NLK: variants seen among roughly 807,000 people sequenced by gnomAD.
The protein encoded by NLK is serine/threonine-protein kinase NLK.
In NLK, 11 loss-of-function variants were observed where a neutral mutation model predicts 59.0. The ratio of observed to expected loss-of-function variants is 0.19; its 90% CI spans 0.12 to 0.31. NLK has a LOEUF of 0.31. Ranked by LOEUF, NLK falls within the 10% of genes least tolerant of loss-of-function variation. The probability of loss-of-function intolerance (pLI) is 1.00; values close to 1 mark genes in which losing one functional copy is unlikely to be tolerated. For synonymous variants in NLK, 235 were observed against 235.9 expected, an observed-to-expected ratio of 1.00 and a Z score of 0.03; for missense variants, 410 against 661.1, an observed-to-expected ratio of 0.62 and a Z score of 4.16.
chr17:28,184,987 A>T (rs1187358131), intron 7 of NLK, among the ~76,000 whole-genome samples, 192 bp from the exon 8 acceptor site: 1 of 152,140 alleles, frequency 6.6e-6, no homozygotes, highest in Non-Finnish European at 1.5e-5. Flanking sequence ...ATAAATAAAT[A>T]AAAATGCTAC....
chr17:28,072,397 C>T (rs1208446325), intron 1 of NLK, among the ~76,000 whole-genome samples: 4 of 149,798 alleles, frequency 2.7e-5, no homozygotes, highest in Non-Finnish European at 4.4e-5. Context: ...GCGGTTACGG[C>T]TCACTGCAGC....
chr17:28,136,941 T>C (rs1483278639), intron 3 of NLK, among the ~76,000 whole-genome samples: 1 of 129,414 alleles, frequency 7.7e-6, no homozygotes, highest in African/African-American at 2.9e-5. Context: ...AAATTTGTTG[T>C]AGCCAAAGCA....
chr17:28,072,267 G>A (rs892158172), intron 1 of NLK, among the ~76,000 whole-genome samples: 2 of 150,994 alleles, frequency 1.3e-5, no homozygotes, highest in African/African-American at 2.4e-5. Flanking sequence ...AATCTTTTAA[G>A]GGAAACACTT....
At chr17:28,086,062 G>T (rs1910507109) in intron 1 of NLK, among the ~76,000 whole-genome samples, 1 of 152,132 alleles carries the variant, frequency 6.6e-6, no homozygotes, top group Admixed American at 6.6e-5. Context: ...GACTGAAATT[G>T]CCACATTTTT....
intron 7 of NLK, among the ~76,000 whole-genome samples, chr17:28,176,740 C>G (rs901371833): frequency 6.6e-6 from 1 of 152,154 alleles, no homozygotes; most frequent in Non-Finnish European, 1.5e-5. Context: ...TAGTTATCTG[C>G]AACTACCACC....
At chr17:28,116,552 A>C (rs1036794760) in intron 1 of NLK, 5 of 152,232 alleles carry the variant, frequency 3.3e-5, no homozygotes, top group African/African-American at 1.2e-4. Flanking sequence ...CTTAGCCATT[A>C]AAATATTAAA....
the NLK span, among the ~76,000 whole-genome samples, chr17:28,203,306 CACA>C: frequency 3.3e-5 from 5 of 151,956 alleles, no homozygotes; most frequent in African/African-American, 1.2e-4. Flanking sequence ...GCCCCTGGCC[CACA>C]GCTCTCAATC....
At chr17:28,120,702 A>G (rs1004404210) in intron 1 of NLK, among the ~76,000 whole-genome samples, 1 of 152,218 alleles carries the variant, frequency 6.6e-6, no homozygotes, top group African/African-American at 2.4e-5. Context: ...AAAAAATACT[A>G]GAATACTCAG....
At chr17:28,105,313 C>T (rs1044716245) in intron 1 of NLK, among the ~76,000 whole-genome samples, 3 of 152,192 alleles carry the variant, frequency 2.0e-5, no homozygotes, top group African/African-American at 4.8e-5. Flanking sequence ...TAACAGGTGA[C>T]TTCTCTAACA....
downstream of NLK, among the ~76,000 whole-genome samples, chr17:28,198,037 G>A (rs1455559586): frequency 1.3e-5 from 2 of 152,194 alleles, no homozygotes; most frequent in African/African-American, 2.4e-5. Flanking sequence ...TAATAATAAT[G>A]TCTGGTTGTG....
At chr17:28,062,874 C>T (rs1002312409) in intron 1 of NLK, among the ~76,000 whole-genome samples, 5 of 152,190 alleles carry the variant, frequency 3.3e-5, no homozygotes, top group Non-Finnish European at 5.9e-5. Context: ...AGCCACTGCA[C>T]CCTGCCGGGA....
chr17:28,178,487 C>T (rs1908771461), intron 7 of NLK, among the ~76,000 whole-genome samples: 1 of 152,160 alleles, frequency 6.6e-6, no homozygotes, highest in South Asian at 2.1e-4. Flanking sequence ...CCACAGCCCA[C>T]GTATCTATTA....
At chr17:28,161,117 G>A in intron 3 of NLK, 43 bp from the exon 4 acceptor site, 3 of 1,049,094 alleles carry the variant, frequency 2.9e-6, no homozygotes, top group Non-Finnish European at 3.0e-6. Context: ...TGAGGGGGTA[G>A]GGGACTGAAT....
chr17:28,198,551 C>T (rs1003870536), downstream of NLK, among the ~76,000 whole-genome samples: 4 of 152,276 alleles, frequency 2.6e-5, no homozygotes, highest in East Asian at 7.7e-4. Flanking sequence ...TGTCGAACTC[C>T]TGACCTCAAA....
intron 1 of NLK, among the ~76,000 whole-genome samples, chr17:28,078,954 A>G (rs1315942370): frequency 1.3e-5 from 2 of 152,198 alleles, no homozygotes; most frequent in African/African-American, 2.4e-5. Context: ...TGTGTTAACT[A>G]TATGCACATT....
downstream of NLK, among the ~76,000 whole-genome samples, chr17:28,198,229 G>A (rs959689726): frequency 1.3e-5 from 2 of 151,862 alleles, no homozygotes; most frequent in Non-Finnish European, 1.5e-5. Flanking sequence ...CTCAACCTCC[G>A]AGGCTCAAGT....
chr17:28,103,248 TG>T (rs1904963172), intron 1 of NLK, among the ~76,000 whole-genome samples: 1 of 152,210 alleles, frequency 6.6e-6, no homozygotes, highest in Non-Finnish European at 1.5e-5. Flanking sequence ...GATTGTTCTC[TG>T]GAAGTATAGC....
At chr17:28,191,277 G>T in intron 9 of NLK, 58 bp downstream of exon 9, 1 of 1,382,024 alleles carries the variant, frequency 7.2e-7, no homozygotes, top group Non-Finnish European at 9.8e-7. Flanking sequence ...TTTCCATTAG[G>T]TGGCCATGAA....
chr17:28,067,447 T>G (rs1236534593), intron 1 of NLK, among the ~76,000 whole-genome samples: 1 of 151,736 alleles, frequency 6.6e-6, no homozygotes, highest in Non-Finnish European at 1.5e-5. Context: ...ATAAAACAAA[T>G]TAGAACTCTC....
Sources: gnomAD v4.1 joint callset for allele counts (sites outside exome capture counted in the v4.1 genomes callset) on GRCh38, gnomAD v4.1.1 for gene constraint, MANE v1.5 for transcripts, NCBI Gene and HGNC (gene_info 2026-07-23, HGNC 2026-07-21) for gene names.